SGCG: variants seen among roughly 807,000 people sequenced by gnomAD.
SGCG encodes the protein gamma-sarcoglycan.
In SGCG, 26 loss-of-function variants were observed where a neutral mutation model predicts 29.3. That is an observed-to-expected ratio of 0.89 (90% CI 0.65 to 1.23). SGCG has a LOEUF of 1.23. SGCG is among the 50% of genes most tolerant of loss of function. The pLI is 0.00. For missense variants in SGCG, 353 were observed against 356.0 expected (o/e 0.99, Z 0.07); for synonymous variants, 145 against 129.7 (o/e 1.12, Z -0.80).
chr13:23,233,168 A>G (rs1879175166), intron 2 of SGCG, among the ~76,000 whole-genome samples: 1 of 152,228 alleles, frequency 6.6e-6, no homozygotes, highest in Admixed American at 6.5e-5. Flanking sequence ...CAACCCAAGT[A>G]TCAATCAATG....
At chr13:23,263,373 T>C (rs1880519991) in intron 4 of SGCG, among the ~76,000 whole-genome samples, 1 of 151,866 alleles carries the variant, frequency 6.6e-6, no homozygotes, top group African/African-American at 2.4e-5. Context: ...AACTAGAAAA[T>C]CTAGAGGAAG....
chr13:23,187,470 GT>G (rs1489255624), intron 1 of SGCG, among the ~76,000 whole-genome samples: 1 of 152,140 alleles, frequency 6.6e-6, no homozygotes, highest in Non-Finnish European at 1.5e-5. Flanking sequence ...CTGTAGCTTT[GT>G]CAGCGAGGAG....
chr13:23,185,202 T>C (rs1408247360), intron 1 of SGCG, among the ~76,000 whole-genome samples: 2 of 152,170 alleles, frequency 1.3e-5, no homozygotes, highest in Admixed American at 6.5e-5. Context: ...AGTTGAATGG[T>C]ATTCTGAGAA....
chr13:23,250,862 G>C (rs1013606143), intron 4 of SGCG, 145 bp downstream of exon 4: 2 of 705,576 alleles, frequency 2.8e-6, no homozygotes, highest in African/African-American at 3.5e-5. Flanking sequence ...GTTGACCACA[G>C]ACTAGCACCA....
the SGCG span, among the ~76,000 whole-genome samples, chr13:23,164,029 C>A: frequency 9.9e-5 from 15 of 152,142 alleles, no homozygotes; most frequent in African/African-American, 3.4e-4. Context: ...TGGTTGCATT[C>A]TTTTTCTCTT....
At chr13:23,232,969 A>G (rs1879166394) in intron 2 of SGCG, among the ~76,000 whole-genome samples, 1 of 152,252 alleles carries the variant, frequency 6.6e-6, no homozygotes, top group African/African-American at 2.4e-5. Flanking sequence ...GCACTGTTAG[A>G]ATATAAAATT....
chr13:23,188,229 A>G (rs577181545), intron 1 of SGCG, among the ~76,000 whole-genome samples: 1 of 150,840 alleles, frequency 6.6e-6, no homozygotes, highest in African/African-American at 2.4e-5. Context: ...CTAGAACACT[A>G]GATCCTAAAA....
At chr13:23,224,695 A>C (rs1371406475) in intron 2 of SGCG, among the ~76,000 whole-genome samples, 3 of 84,264 alleles carry the variant, frequency 3.6e-5, no homozygotes, top group Non-Finnish European at 7.4e-5. Flanking sequence ...ACACCAGTGC[A>C]AGCACTGCTA....
chr13:23,256,729 T>C (rs1174493629), intron 4 of SGCG, among the ~76,000 whole-genome samples: 1 of 152,230 alleles, frequency 6.6e-6, no homozygotes, highest in Admixed American at 6.5e-5. Context: ...TATGGCTGCA[T>C]AGTATTCCAT....
intron 6 of SGCG, among the ~76,000 whole-genome samples, chr13:23,316,671 C>T (rs1882825524): frequency 6.6e-6 from 1 of 152,180 alleles, no homozygotes; most frequent in Non-Finnish European, 1.5e-5. Context: ...GCACCACTCG[C>T]CATCACCCCA....
chr13:23,313,636 G>T (rs1157831101), intron 6 of SGCG, among the ~76,000 whole-genome samples: 1 of 152,034 alleles, frequency 6.6e-6, no homozygotes, highest in African/African-American at 2.4e-5. Flanking sequence ...CTTAAAACTC[G>T]CCTGCTTTGT....
chr13:23,232,022 G>A (rs1426809576), intron 2 of SGCG, among the ~76,000 whole-genome samples: 1 of 152,044 alleles, frequency 6.6e-6, no homozygotes, highest in Admixed American at 6.6e-5. Context: ...TGGAGGCTGA[G>A]GTGGGAGAAA....
At chr13:23,214,820 T>G (rs1382721080) in intron 2 of SGCG, among the ~76,000 whole-genome samples, 1 of 152,084 alleles carries the variant, frequency 6.6e-6, no homozygotes, top group African/African-American at 2.4e-5. Context: ...CTCAAATTAT[T>G]TATGTCTTTC....
chr13:23,251,781 C>T (rs2137570753), intron 4 of SGCG, among the ~76,000 whole-genome samples: 1 of 152,174 alleles, frequency 6.6e-6, no homozygotes, highest in South Asian at 2.1e-4. Flanking sequence ...ATTCACTATA[C>T]TATTAACATT....
the SGCG span, among the ~76,000 whole-genome samples, chr13:23,169,680 TC>T: frequency 6.9e-6 from 1 of 145,120 alleles, no homozygotes; most frequent in Non-Finnish European, 1.5e-5. Context: ...TCCATCTCTC[TC>T]TCTCTCTCTC....
Position 23,203,155 on chromosome 13 carries a change from G to T in SGCG, c.1-540G>T, listed in dbSNP as rs368972668. Among the ~76,000 whole-genome samples the T allele has an allele frequency of 3.3e-3, 506 of 151,920 alleles. 2 individuals are homozygous for T. The highest frequency in any genetic ancestry group is 0.011 in the African/African-American group (476 of 41,478). ...TTTGTATTTTTAGTAGAGACGGGGT[G>T]TCACCATGTTAGCCAGGATGGTCTC... On this transcript the variant is annotated intron_variant, in intron 1 of 7. Coordinates refer to ENST00000218867, the MANE Select transcript of SGCG (RefSeq NM_000231.3).
At position 23,234,591 on chromosome 13, in the gene SGCG, CTCTT is replaced by C. The variant is rs781346372; in HGVS notation, c.196-18_196-15del. ...CAAGCAATAAAAATATACGCATTGT[CTCTT>C]TTTTTTTTTTAACAGGCAGGAATGG... On this transcript the variant is annotated splice_polypyrimidine_tract_variant and intron_variant, in intron 2 of 7. Coordinates refer to ENST00000218867, the MANE Select transcript of SGCG (RefSeq NM_000231.3). 3.5e-6 allele frequency: 5 copies of C among 1,448,262 alleles called. No homozygotes were observed. The highest frequency in any genetic ancestry group is 4.8e-6 in the Non-Finnish European group (5 of 1,031,436). 89.7% of individuals were successfully genotyped at this position (1,448,262 alleles called of 1,614,324 possible).
At chr13:23,257,497 GC>G (rs1419447279) in intron 4 of SGCG, among the ~76,000 whole-genome samples, 1 of 152,108 alleles carries the variant, frequency 6.6e-6, no homozygotes, top group Admixed American at 6.6e-5. Flanking sequence ...TCTGTAGGTT[GC>G]CTGTTCACTC....
intron 7 of SGCG, among the ~76,000 whole-genome samples, chr13:23,322,783 C>CCCCCCCCCCCCCCCCCG (rs1883098968): frequency 1.0e-5 from 1 of 99,288 alleles, no homozygotes; most frequent in Non-Finnish European, 2.1e-5. Context: ...CCCCCCCCCC[C>CCCCCCCCCCCCCCCCCG]CCCCCCGCCA....
Sources: allele counts gnomAD v4.1 joint callset (sites outside exome capture counted in the v4.1 genomes callset), GRCh38; gene constraint gnomAD v4.1.1; transcripts MANE v1.5; gene names NCBI Gene and HGNC (gene_info 2026-07-23, HGNC 2026-07-21).